The following HIPK1 variants were observed in gnomAD, a reference collection of about 807,000 sequenced individuals.
HIPK1 encodes the protein homeodomain interacting protein kinase 1.
HIPK1 carries 28 observed loss-of-function variants against 117.1 expected under a neutral mutation model. The observed-to-expected ratio is 0.24, with a 90% CI of 0.18 to 0.33. The LOEUF (loss-of-function observed/expected upper bound fraction) is 0.33. Among genes scored for constraint, HIPK1 ranks in the 10% least tolerant of loss-of-function variants. The pLI is 1.00. For synonymous variants in HIPK1, 605 were observed against 562.5 expected (o/e 1.08, Z -1.07); for missense variants, 1,122 against 1,475.1 (o/e 0.76, Z 3.92).
chr1:113,935,471 A>C (rs757264878), intron 1 of HIPK1, among the ~76,000 whole-genome samples: 17 of 152,164 alleles, frequency 1.1e-4, no homozygotes, highest in Non-Finnish European at 2.4e-4. Context: ...CCTATTGTGA[A>C]TAGTGCTGCA....
chr1:113,944,072 C>T (rs574570162), intron 2 of HIPK1, among the ~76,000 whole-genome samples: 1 of 151,944 alleles, frequency 6.6e-6, no homozygotes, highest in African/African-American at 2.4e-5. Flanking sequence ...TCAAGCCATC[C>T]TCCTGCCTCA....
intron 1 of HIPK1, among the ~76,000 whole-genome samples, chr1:113,932,840 C>G (rs914857690): frequency 5.9e-5 from 9 of 152,182 alleles, no homozygotes; most frequent in African/African-American, 2.2e-4. Flanking sequence ...CTTTGGCATA[C>G]TAGCATAGCA....
chr1:113,933,205 AG>A (rs1281298115), intron 1 of HIPK1: 18 of 985,018 alleles, frequency 1.8e-5, no homozygotes, highest in Non-Finnish European at 2.0e-5. Flanking sequence ...GCCACACTGA[AG>A]AAGTGAGCTT....
chr1:113,954,719 C>G lies in HIPK1; in HGVS notation c.1269C>G (p.Thr423=). ...EYLLSAGTKT[T]RFFNRDPNLG... ...TTCTCAGTGCCGGAACAAAAACAAC[C>G]AGGTTTTTCAACAGAGATCCTAATT... Residue 423 remains threonine (T), a synonymous_variant, in exon 4 of 16, where the codon ACC becomes ACG. Coordinates refer to ENST00000426820, the MANE Select transcript of HIPK1 (RefSeq NM_198268.3). 1 of 1,613,942 alleles carries G rather than the reference C, an allele frequency of 6.2e-7. No individual in the cohort carries two copies. The highest frequency in any genetic ancestry group is 8.5e-7 in the Non-Finnish European group (1 of 1,179,832).
At chr1:113,953,910 C>T (rs1671533511) in intron 3 of HIPK1, 1 of 152,012 alleles carries the variant, frequency 6.6e-6, no homozygotes, top group Non-Finnish European at 1.5e-5. Flanking sequence ...ATCCTCAGCT[C>T]CTAACACTGT....
chr1:113,969,058 G>A (rs769570330), intron 13 of HIPK1, among the ~76,000 whole-genome samples: 8 of 152,158 alleles, frequency 5.3e-5, no homozygotes, highest in Non-Finnish European at 1.0e-4. Flanking sequence ...GAAGAAAAAG[G>A]TGTTTTGGAA....
At chr1:113,951,137 C>A in intron 2 of HIPK1, 1 of 694,872 alleles carries the variant, frequency 1.4e-6, no homozygotes, top group Non-Finnish European at 1.8e-6. Flanking sequence ...TAGAACAGTG[C>A]ATGGCACATA....
At chr1:113,929,792 C>A in intron 1 of HIPK1, 1 of 811,626 alleles carries the variant, frequency 1.2e-6, no homozygotes, top group Non-Finnish European at 1.4e-6. Flanking sequence ...GGGACGGGCG[C>A]GGGGACGGCT....
At position 113,974,216 on chromosome 1, in the gene HIPK1, A is replaced by G. The variant is rs1673022112; in HGVS notation, c.*704A>G. ...TGTTATAAAGTAGTGTTTAAAAGGC[A>G]GCTCACCATTTGCTGGTAACTTAAT... On this transcript the variant is annotated 3_prime_UTR_variant, in exon 16 of 16. Transcript: ENST00000426820. 1 of 152,494 alleles carries G rather than the reference A, an allele frequency of 6.6e-6. No individual in the cohort carries two copies. The highest frequency in any genetic ancestry group is 2.4e-5 in the African/African-American group (1 of 41,478). 9.4% of individuals were successfully genotyped at this position (152,494 alleles called of 1,614,324 possible). A position where few individuals can be genotyped will look rare whatever the true frequency, so the allele number is the denominator to read the frequency against.
intron 5 of HIPK1, 49 bp from the exon 6 acceptor site, chr1:113,956,578 A>T: frequency 7.2e-7 from 1 of 1,385,482 alleles, no homozygotes; most frequent in Non-Finnish European, 1.0e-6. Context: ...ATGTAGTGTC[A>T]GTGCCAAAGG....
Position 113,940,959 on chromosome 1 carries a change from C to A in HIPK1, c.576C>A (p.Val192=). The A allele has an allele frequency of 6.2e-7, 1 of 1,614,118 alleles. No individual in the cohort carries two copies. Among genetic ancestry groups the A allele is most frequent in the Non-Finnish European group, 8.5e-7 (1 of 1,180,030 alleles). Residue 192 remains valine, a synonymous_variant, in exon 2 of 16, where the codon GTC becomes GTA. Transcript: ENST00000426820. Reference sequence around the variant, plus strand: ...GCTCTATGACCAATAGCTATGAAGTCTTGGAGTTCCTAGGCCGGGGGACAT... The same window carrying A: ...GCTCTATGACCAATAGCTATGAAGTATTGGAGTTCCTAGGCCGGGGGACAT... ...ILCSMTNSYE[V]LEFLGRGTFG...
At position 113,963,390 on chromosome 1, in the gene HIPK1, A is replaced by G. The variant is rs1167362551; in HGVS notation, c.2107A>G (p.Ser703Gly). The G allele has an allele frequency of 6.2e-7, 1 of 1,613,370 alleles. No individual in the cohort carries two copies. The highest frequency in any genetic ancestry group is 8.5e-7 in the Non-Finnish European group (1 of 1,179,766). The change falls in exon 10 of 16, where the codon AGC becomes GGC. Residue 703 changes from serine (S) to glycine (G), a missense_variant. By Grantham distance (56) the Ser-to-Gly change is moderately conservative. This residue lies in a region of HIPK1 where 731 missense variants were observed against 860.4 expected (regional missense o/e 0.85). Transcript: ENST00000426820. Reference protein sequence around the residue: ...QIQSGVLTQGSCTPLMVATLH... With the variant: ...QIQSGVLTQGGCTPLMVATLH... The stretch of plus-strand genomic sequence containing the variant: ...ACCTGCCTAATCTACGTTTCAGGGA[A>G]GCTGTACACCACTAATGGTAGCAAC...
At position 113,957,097 on chromosome 1, in the gene HIPK1, T is replaced by G. The variant is rs542374340; in HGVS notation, c.1593-27T>G. The G allele has an allele frequency of 1.7e-5, 27 of 1,582,446 alleles. No homozygotes were observed. In the South Asian group the frequency reaches 3.0e-4, roughly 18 times the overall value. The stretch of plus-strand genomic sequence containing the variant: ...TGTCTGTTTAAATCTCAGCATTCAT[T>G]TAATGAATCTTTAATCTCCTTTTCA... On this transcript the variant is annotated intron_variant, in intron 6 of 15. Transcript: ENST00000426820.
chr1:113,950,521 T>C (rs1177574357), intron 2 of HIPK1, among the ~76,000 whole-genome samples: 1 of 152,198 alleles, frequency 6.6e-6, no homozygotes, highest in African/African-American at 2.4e-5. Context: ...TTTTCTTTTG[T>C]TGAGATGGAG....
chr1:113,945,276 C>T (rs1250145644), intron 2 of HIPK1, among the ~76,000 whole-genome samples: 1 of 152,126 alleles, frequency 6.6e-6, no homozygotes, highest in Non-Finnish European at 1.5e-5. Context: ...TAATTTTCAT[C>T]TATTCCTTGG....
intron 2 of HIPK1, among the ~76,000 whole-genome samples, chr1:113,952,206 T>C (rs1466582365): frequency 2.6e-5 from 4 of 152,138 alleles, no homozygotes; most frequent in African/African-American, 7.2e-5. Context: ...CCCAAAGTGC[T>C]GGGATTACAG....
Position 113,939,155 on chromosome 1 carries a change from A to AT in HIPK1, c.-2-1219dup, listed in dbSNP as rs970309307. 7.7e-4 allele frequency among the ~76,000 whole-genome samples: 117 copies of AT among 151,130 alleles called. 1 individual carries two copies. Among genetic ancestry groups the AT allele is most frequent in the African/African-American group, 2.7e-3 (111 of 41,178 alleles). ...GTAGCTGAGGAAACAGACATCCCTAATTTTTTTTCTTTTTTTTGAGACAGG... is the reference window on the plus strand; with the variant it reads ...GTAGCTGAGGAAACAGACATCCCTAATTTTTTTTTCTTTTTTTTGAGACAGG... On this transcript the variant is annotated intron_variant, in intron 1 of 15. Coordinates refer to ENST00000426820, the MANE Select transcript of HIPK1 (RefSeq NM_198268.3).
intron 1 of HIPK1, among the ~76,000 whole-genome samples, chr1:113,932,425 C>T (rs946012721): frequency 9.3e-4 from 136 of 146,236 alleles, no homozygotes; most frequent in Non-Finnish European, 7.6e-4. Context: ...TCGCCCAGGT[C>T]GGAGTGCCGT....
intron 2 of HIPK1, among the ~76,000 whole-genome samples, chr1:113,949,600 C>CT (rs11465018): frequency 0.33 from 43,425 of 133,204 alleles, 7,598 homozygotes; most frequent in African/African-American, 0.4. Context: ...CTTTTCTTTT[C>CT]TTTTTTTTTT....
Sources: allele counts gnomAD v4.1 joint callset (sites outside exome capture counted in the v4.1 genomes callset), GRCh38; gene constraint gnomAD v4.1.1; regional missense constraint gnomAD v4.1.1; transcripts MANE v1.5; gene names NCBI Gene and HGNC (gene_info 2026-07-23, HGNC 2026-07-21).